The following DCP1A variants were observed in gnomAD, a reference collection of about 807,000 sequenced individuals.
DCP1A encodes the protein decapping mRNA 1A, also known as mRNA-decapping enzyme 1A.
DCP1A carries 20 observed loss-of-function variants against 58.0 expected under a neutral mutation model. The ratio of observed to expected loss-of-function variants is 0.34; its 90% CI spans 0.24 to 0.50. The LOEUF (loss-of-function observed/expected upper bound fraction) is 0.50. DCP1A is among the 20% of genes least tolerant of loss of function. The pLI, the probability that DCP1A is intolerant of heterozygous loss-of-function variation, is 0.98. For missense variants in DCP1A, 613 were observed against 712.2 expected, an observed-to-expected ratio of 0.86 and a Z score of 1.59; for synonymous variants, 285 against 275.1, an observed-to-expected ratio of 1.04 and a Z score of -0.36.
intron 2 of DCP1A, among the ~76,000 whole-genome samples, chr3:53,344,415 CT>C (rs1343877589): frequency 3.9e-5 from 6 of 152,180 alleles, no homozygotes; most frequent in Non-Finnish European, 8.8e-5. Flanking sequence ...TCCAAGCTTT[CT>C]AAAGAACTCT....
At chr3:53,310,982 A>G (rs1707626258) in intron 5 of DCP1A, among the ~76,000 whole-genome samples, 2 of 152,230 alleles carry the variant, frequency 1.3e-5, no homozygotes, top group Admixed American at 1.3e-4. Context: ...TATGCAAAAA[A>G]TGGTCCTGCA....
At chr3:53,299,409 C>T (rs797035379) in intron 6 of DCP1A, among the ~76,000 whole-genome samples, 11 of 152,246 alleles carry the variant, frequency 7.2e-5, no homozygotes, top group African/African-American at 2.6e-4. Flanking sequence ...CCGTTTAGCT[C>T]AGGAAATGGC....
chr3:53,303,956 G>T (rs1471383628), intron 6 of DCP1A, among the ~76,000 whole-genome samples: 1 of 152,198 alleles, frequency 6.6e-6, no homozygotes, highest in Non-Finnish European at 1.5e-5. Flanking sequence ...TTAAGAATAG[G>T]TAAGAAGCAA....
At chr3:53,329,027 C>T (rs781810065) in intron 3 of DCP1A, 16 of 233,134 alleles carry the variant, frequency 6.9e-5, no homozygotes, top group Admixed American at 1.1e-4. Flanking sequence ...GAATGAATCA[C>T]GGAAATTTTC....
At chr3:53,323,041 G>C (rs181737620) in intron 3 of DCP1A, among the ~76,000 whole-genome samples, 1 of 152,200 alleles carries the variant, frequency 6.6e-6, no homozygotes, top group Non-Finnish European at 1.5e-5. Flanking sequence ...AGCCAGTATG[G>C]TCTCGATCTC....
intron 3 of DCP1A, among the ~76,000 whole-genome samples, chr3:53,320,108 A>G (rs1707919370): frequency 6.6e-6 from 1 of 152,020 alleles, no homozygotes. Context: ...AGCCTAGGCA[A>G]CAGAGTGAGA....
chr3:53,300,562 C>T (rs1322676115), intron 6 of DCP1A, among the ~76,000 whole-genome samples: 1 of 152,146 alleles, frequency 6.6e-6, no homozygotes, highest in African/African-American at 2.4e-5. Flanking sequence ...TGGTCTTGAA[C>T]TCCTGACCTC....
chr3:53,306,186 G>T (rs1307768001), intron 5 of DCP1A, among the ~76,000 whole-genome samples: 1 of 152,068 alleles, frequency 6.6e-6, no homozygotes, highest in Admixed American at 6.6e-5. Flanking sequence ...CCACCCAAAT[G>T]ACTTAATCCT....
At chr3:53,347,305 AC>A (rs2089303949) in intron 1 of DCP1A, 77 bp downstream of exon 1, 3 of 1,309,798 alleles carry the variant, frequency 2.3e-6, no homozygotes, top group Admixed American at 6.4e-5. Flanking sequence ...GTGCCCCCCC[AC>A]CCCACAGTAA....
chr3:53,330,866 T>C, intron 3 of DCP1A, among the ~76,000 whole-genome samples: 1 of 145,824 alleles, frequency 6.9e-6, no homozygotes, highest in East Asian at 2.0e-4. Flanking sequence ...AATTTTTTTT[T>C]TTTTTTTTTT....
At chr3:53,335,068 C>T (rs2089086891) in intron 3 of DCP1A, among the ~76,000 whole-genome samples, 1 of 151,742 alleles carries the variant, frequency 6.6e-6, no homozygotes, top group Admixed American at 6.6e-5. Flanking sequence ...CCTTTGACAT[C>T]TCATCAGAAT....
intron 3 of DCP1A, among the ~76,000 whole-genome samples, chr3:53,319,939 G>C (rs1553689712): frequency 6.6e-6 from 1 of 152,040 alleles, no homozygotes; most frequent in African/African-American, 2.4e-5. Flanking sequence ...AGACCAGCCT[G>C]GCCAACATAG....
At chr3:53,328,162 G>T (rs943979277) in intron 3 of DCP1A, among the ~76,000 whole-genome samples, 12 of 151,978 alleles carry the variant, frequency 7.9e-5, no homozygotes, top group African/African-American at 2.7e-4. Flanking sequence ...AGCTGAGCAT[G>T]CCTGGAAGCA....
intron 5 of DCP1A, among the ~76,000 whole-genome samples, chr3:53,305,235 G>C (rs1707433118): frequency 6.6e-6 from 1 of 152,136 alleles, no homozygotes; most frequent in African/African-American, 2.4e-5. Flanking sequence ...ATATAAATAC[G>C]TGAGTGTTTA....
intron 6 of DCP1A, among the ~76,000 whole-genome samples, chr3:53,294,801 C>T (rs1303703747): frequency 1.3e-5 from 2 of 152,174 alleles, no homozygotes; most frequent in African/African-American, 4.8e-5. Flanking sequence ...TGGAACCCAG[C>T]ACACAGGAAG....
intron 3 of DCP1A, among the ~76,000 whole-genome samples, chr3:53,325,619 G>T (rs782587935): frequency 1.3e-5 from 2 of 152,148 alleles, no homozygotes; most frequent in Admixed American, 6.6e-5. Context: ...TAGAAAAATG[G>T]AATAGGTATA....
chr3:53,308,219 G>C (rs1559690036), intron 5 of DCP1A, among the ~76,000 whole-genome samples: 1 of 151,684 alleles, frequency 6.6e-6, no homozygotes, highest in African/African-American at 2.4e-5. Flanking sequence ...TTTAAAAAAA[G>C]AAAAAACTTT....
chr3:53,291,233 G>A (rs994796314), intron 7 of DCP1A, among the ~76,000 whole-genome samples: 2 of 111,684 alleles, frequency 1.8e-5, no homozygotes, highest in African/African-American at 3.0e-5. Context: ...GTATTTATGA[G>A]GTATATGAAA....
At chr3:53,343,675 G>C (rs1173260573) in intron 2 of DCP1A, among the ~76,000 whole-genome samples, 5 of 152,106 alleles carry the variant, frequency 3.3e-5, no homozygotes, top group African/African-American at 9.7e-5. Flanking sequence ...GCAGTGGCAC[G>C]ACCTCGGCTC....
Sources: allele counts gnomAD v4.1 joint callset (sites outside exome capture counted in the v4.1 genomes callset), GRCh38; gene constraint gnomAD v4.1.1; transcripts MANE v1.5; gene names NCBI Gene and HGNC (gene_info 2026-07-23, HGNC 2026-07-21).